The following ABCA1 variants were observed in gnomAD, a reference collection of about 807,000 sequenced individuals.
The protein encoded by ABCA1 is phospholipid-transporting ATPase ABCA1.
ABCA1 carries 133 observed loss-of-function variants against 262.5 expected under a neutral mutation model. That is an observed-to-expected ratio of 0.51 (90% CI 0.44 to 0.59). ABCA1 has a LOEUF of 0.59. Ranked by LOEUF, ABCA1 falls within the 20% of genes least tolerant of loss-of-function variation. The pLI, the probability that ABCA1 is intolerant of heterozygous loss-of-function variation, is 0.00. For missense variants in ABCA1, 2,452 were observed against 2,777.5 expected (o/e 0.88, Z 2.63); for synonymous variants, 1,022 against 1,043.5 (o/e 0.98, Z 0.40).
At chr9:104,862,466 A>T (rs1489004988) in intron 5 of ABCA1, among the ~76,000 whole-genome samples, 2 of 143,782 alleles carry the variant, frequency 1.4e-5, no homozygotes, top group East Asian at 4.2e-4. Context: ...TAGTCCGTTC[A>T]TTCCTGTCTC....
chr9:104,905,616 A>T (rs932351606), intron 1 of ABCA1, among the ~76,000 whole-genome samples: 2 of 152,262 alleles, frequency 1.3e-5, no homozygotes, highest in Non-Finnish European at 2.9e-5. Flanking sequence ...TTGTTCAAAG[A>T]TGACAACTGG....
At chr9:104,855,774 C>G in intron 7 of ABCA1, 2 of 1,562,232 alleles carry the variant, frequency 1.3e-6, no homozygotes, top group South Asian at 2.3e-5. Context: ...CCAGACCCAG[C>G]TGACCCTCCC....
intron 30 of ABCA1, among the ~76,000 whole-genome samples, chr9:104,808,454 A>C (rs1415713148): frequency 6.6e-6 from 1 of 152,224 alleles, no homozygotes; most frequent in East Asian, 1.9e-4. Context: ...TGAAATCCAG[A>C]TAGGCCGTGT....
rs572662984 is a variant in ABCA1, at chr9:104,854,659, C to T, written c.720+3863G>A. On this transcript the variant is annotated intron_variant, in intron 7 of 49. Transcript: ENST00000374736. ...AGTTAAGAAAAGTTCACCTGCCCAG[C>T]ACACTCTACAGCAAAATACACCTTG... 5.4e-4 allele frequency among the ~76,000 whole-genome samples: 82 copies of T among 152,270 alleles called. 1 individual carries two copies. The highest frequency in any genetic ancestry group is 1.5e-3 in the Admixed American group (23 of 15,294).
chr9:104,861,569 C>T (rs1836388935), intron 6 of ABCA1, 110 bp downstream of exon 6: 2 of 1,446,080 alleles, frequency 1.4e-6, no homozygotes, highest in Non-Finnish European at 1.9e-6. Flanking sequence ...CAAACTACCT[C>T]CCTCCCCTTC....
In ABCA1 at chr9:104,798,489, T is replaced by C; in HGVS notation, c.5053A>G (p.Lys1685Glu). ...FLIQERVSKAKHLQFISGVKP... is the reference protein window; with the variant it reads ...FLIQERVSKAEHLQFISGVKP... ...ACTCCACTGATGAACTGCAGGTGTTTTGCTTTGCTGACCCGCTCCTGGATC... is the reference window on the plus strand; with the variant it reads ...ACTCCACTGATGAACTGCAGGTGTTCTGCTTTGCTGACCCGCTCCTGGATC... Residue 1685 changes from lysine to glutamate, a missense_variant, in exon 37 of 50, where the codon AAA becomes GAA. Lys to Glu is a moderately conservative substitution (Grantham distance 56, BLOSUM62 1). Coordinates refer to ENST00000374736, the MANE Select transcript of ABCA1 (RefSeq NM_005502.4). The C allele has an allele frequency of 6.2e-7, 1 of 1,614,208 alleles. No individual in the cohort carries two copies. Among genetic ancestry groups the C allele is most frequent in the South Asian group, 1.1e-5 (1 of 91,082 alleles).
At chr9:104,876,224 C>T (rs1218495920) in intron 5 of ABCA1, among the ~76,000 whole-genome samples, 4 of 152,138 alleles carry the variant, frequency 2.6e-5, no homozygotes, top group Non-Finnish European at 5.9e-5. Flanking sequence ...CCAGCATAAG[C>T]AATGGCAAGG....
chr9:104,804,803 T>C, intron 31 of ABCA1, 83 bp from the exon 32 acceptor site: 4 of 1,196,622 alleles, frequency 3.3e-6, no homozygotes, highest in Non-Finnish European at 5.0e-6. Context: ...ACAGTGACCA[T>C]GTCCACAGTG....
intron 32 of ABCA1, among the ~76,000 whole-genome samples, chr9:104,803,750 G>T (rs1830541087): frequency 6.6e-6 from 1 of 152,078 alleles, no homozygotes; most frequent in East Asian, 1.9e-4. Context: ...TGGGATTACA[G>T]GCACGCACCA....
At position 104,802,907 on chromosome 9, in the gene ABCA1, G is replaced by A. The variant is rs543642321; in HGVS notation, c.4592+377C>T. ...TGTCCTTGAGTCCTTAAGAAGCCTCGGGAATCTGGTTTGGGGGGAAAGTAC... is the reference window on the plus strand; with the variant it reads ...TGTCCTTGAGTCCTTAAGAAGCCTCAGGAATCTGGTTTGGGGGGAAAGTAC... On this transcript the variant is annotated intron_variant, in intron 33 of 49. Transcript: ENST00000374736. Among the ~76,000 whole-genome samples, 160 of 152,234 alleles carry A rather than the reference G, an allele frequency of 1.1e-3. 2 individuals are homozygous for A. The South Asian group carries it at 0.026, about 25-fold the overall frequency.
chr9:104,861,692 A>G lies in ABCA1; in HGVS notation c.530T>C (p.Val177Ala). The G allele has an allele frequency of 1.2e-6, 2 of 1,614,162 alleles. No individual in the cohort carries two copies. The highest frequency in any genetic ancestry group is 1.7e-6 in the Non-Finnish European group (2 of 1,180,034). The change falls in exon 6 of 50, where the codon GTC (valine) becomes GCC (alanine). Residue 177 changes from valine (V) to alanine (A), a missense_variant. By Grantham distance (64) the Val-to-Ala change is moderately conservative. This residue lies in a region of ABCA1 where 1,032 missense variants were observed against 1,089.7 expected (regional missense o/e 0.95). Coordinates refer to ENST00000374736, the MANE Select transcript of ABCA1 (RefSeq NM_005502.4). ...GCATCAGCTTACCTTGTGGAGAATG[A>G]CATCAGCCCTCAGCATCTTGTCCAC... ...STVDKMLRADVILHKVFLQGY... is the reference protein window; with the variant it reads ...STVDKMLRADAILHKVFLQGY...
intron 1 of ABCA1, among the ~76,000 whole-genome samples, chr9:104,911,497 G>A (rs1304396110): frequency 6.6e-6 from 1 of 152,152 alleles, no homozygotes; most frequent in South Asian, 2.1e-4. Context: ...GGCTGCTGTG[G>A]GGGTGGGAGG....
intron 40 of ABCA1, among the ~76,000 whole-genome samples, chr9:104,793,633 A>G (rs2061134266): frequency 6.6e-6 from 1 of 152,230 alleles, no homozygotes; most frequent in Non-Finnish European, 1.5e-5. Context: ...TTTCACAGTC[A>G]GTATTTTTAA....
intron 5 of ABCA1, among the ~76,000 whole-genome samples, chr9:104,875,652 C>T (rs956868370): frequency 2.0e-5 from 3 of 148,880 alleles, no homozygotes; most frequent in South Asian, 2.1e-4. Context: ...CAGAGAGCTC[C>T]ACAACCTTAA....
At chr9:104,798,271 G>T in intron 37 of ABCA1, 150 bp downstream of exon 37, 1 of 911,878 alleles carries the variant, frequency 1.1e-6, no homozygotes, top group Non-Finnish European at 1.7e-6. Flanking sequence ...TGTCATGAAA[G>T]TGATCACCTG....
In ABCA1 at chr9:104,791,974, C is replaced by A. The variant is rs1171070188; in HGVS notation, c.5782G>T (p.Ala1928Ser). The part of the protein sequence containing the change: ...TKIYRRKRKP[A>S]VDRICVGIPP... ...ATGCCCACGCAAATCCTGTCAACAG[C>A]AGGCTTCCGCTTCCTTCTATATATC... The change falls in exon 43 of 50, where the codon GCT becomes TCT. Residue 1928 changes from alanine to serine, a missense_variant. Around this residue, in one of 4 missense-constraint regions of ABCA1, gnomAD observed 752 missense variants for 944.5 expected, o/e 0.80. Transcript: ENST00000374736. The A allele has an allele frequency of 2.5e-6, 4 of 1,613,588 alleles. No individual in the cohort carries two copies. The highest frequency in any genetic ancestry group is 2.5e-6 in the Non-Finnish European group (3 of 1,179,842).
Position 104,787,973 on chromosome 9 carries a change from G to A in ABCA1, c.6151C>T (p.Arg2051Cys), listed in dbSNP as rs746601066. ...AAAGCCATGGCTGTAGAGAGCTTGC[G>A]TTTGTTGCCTCCACTATAGTTACCA... ...YAGNYSGGNK[R>C]KLSTAMALIG... Residue 2051 changes from arginine to cysteine, a missense_variant, in exon 46 of 50, where the codon CGC (arginine) becomes TGC (cysteine). By Grantham distance (180) the Arg-to-Cys change is radical. Around this residue, in one of 4 missense-constraint regions of ABCA1, gnomAD observed 752 missense variants for 944.5 expected, o/e 0.80. Transcript: ENST00000374736. 8 of 1,614,194 alleles carry A rather than the reference G, an allele frequency of 5.0e-6. No homozygotes were observed. The highest frequency in any genetic ancestry group is 4.2e-6 in the Non-Finnish European group (5 of 1,180,046).
intron 21 of ABCA1, 27 bp downstream of exon 21, chr9:104,819,900 G>A: frequency 6.2e-7 from 1 of 1,610,730 alleles, no homozygotes; most frequent in Non-Finnish European, 8.5e-7. Context: ...AGGGGAGAGG[G>A]ATAGGGAAGG....
At position 104,867,697 on chromosome 9, in the gene ABCA1, C is replaced by G. The variant is rs939642039; in HGVS notation, c.422-5897G>C. ...TAACTTTATGAAAGAATAAATAAAT[C>G]TAGTATTTTACAGGGAATCACCAGG... On this transcript the variant is annotated intron_variant, in intron 5 of 49. Coordinates refer to ENST00000374736, the MANE Select transcript of ABCA1 (RefSeq NM_005502.4). 2.6e-5 allele frequency among the ~76,000 whole-genome samples: 4 copies of G among 152,070 alleles called. No homozygotes were observed. The South Asian group carries it at 8.3e-4, about 32-fold the overall frequency.
Sources: gnomAD v4.1 joint callset for allele counts (sites outside exome capture counted in the v4.1 genomes callset) on GRCh38, gnomAD v4.1.1 for gene constraint, gnomAD v4.1.1 regional missense constraint, MANE v1.5 for transcripts, NCBI Gene and HGNC (gene_info 2026-07-23, HGNC 2026-07-21) for gene names.